The following GATD1 variants were observed in gnomAD, a reference collection of about 807,000 sequenced individuals.
GATD1 encodes glutamine amidotransferase class 1 domain containing 1, also known as glutamine amidotransferase-like class 1 domain-containing protein 1.
Under a neutral mutation model 25.9 loss-of-function variants are expected in GATD1, and 23 were observed. The ratio of observed to expected loss-of-function variants is 0.89; its 90% CI spans 0.64 to 1.26. GATD1 has a LOEUF of 1.26. Ranked by LOEUF, GATD1 falls within the 50% of genes most tolerant of loss-of-function variation. The pLI, the probability that GATD1 is intolerant of heterozygous loss-of-function variation, is 0.00. For missense variants in GATD1, 347 were observed against 312.5 expected, an observed-to-expected ratio of 1.11 and a Z score of -0.83; for synonymous variants, 177 against 134.6, an observed-to-expected ratio of 1.31 and a Z score of -2.18.
chr11:776,497 C>A, intron 1 of GATD1, among the ~76,000 whole-genome samples: 1 of 151,866 alleles, frequency 6.6e-6, no homozygotes, highest in African/African-American at 2.4e-5. Flanking sequence ...AAGCCCCAAC[C>A]CACCCCCCCA....
chr11:769,042 A>C lies in GATD1; in HGVS notation c.*1855T>G. 2.8e-6 allele frequency: 2 copies of C among 706,024 alleles called. No individual in the cohort carries two copies. The highest frequency in any genetic ancestry group is 3.5e-6 in the Non-Finnish European group (2 of 574,946). 43.7% of individuals were successfully genotyped at this position (706,024 alleles called of 1,614,324 possible). ...CTTGAACCCGGGAGACAGAGGTTGC[A>C]GTGAGCCAAGATTGTGCCACTGCAC... On this transcript the variant is annotated 3_prime_UTR_variant, in exon 8 of 8. Coordinates refer to ENST00000319863, the MANE Select transcript of GATD1 (RefSeq NM_182612.4).
Position 769,162 on chromosome 11 carries a change from A to G in GATD1, c.*1735T>C, listed in dbSNP as rs1565000861. On this transcript the variant is annotated 3_prime_UTR_variant, in exon 8 of 8. Coordinates refer to ENST00000319863, the MANE Select transcript of GATD1 (RefSeq NM_182612.4). ...AGGTCCATCACCACACGGGGATGAG[A>G]GTGGACCCGGGACAGAGCAAGGCCC... 1 of 985,390 alleles carries G rather than the reference A, an allele frequency of 1.0e-6. No homozygotes were observed. Among genetic ancestry groups the G allele is most frequent in the East Asian group, 1.1e-4 (1 of 8,800 alleles). 61.0% of individuals were successfully genotyped at this position (985,390 alleles called of 1,614,324 possible).
chr11:776,786 G>A (rs1293715237), intron 1 of GATD1: 1 of 152,762 alleles, frequency 6.5e-6, no homozygotes, highest in Non-Finnish European at 1.5e-5. Flanking sequence ...CTGCTGCCCT[G>A]AGACCCTGCA....
intron 3 of GATD1, 101 bp from the exon 4 acceptor site, chr11:773,730 C>CCAG: frequency 4.6e-6 from 4 of 865,732 alleles, no homozygotes; most frequent in Non-Finnish European, 7.2e-6. Flanking sequence ...TCCACAGGGA[C>CCAG]CAGCCAGCCT....
chr11:773,165 TCAAA>T (rs2133628856), intron 4 of GATD1, among the ~76,000 whole-genome samples: 1 of 152,296 alleles, frequency 6.6e-6, no homozygotes, highest in East Asian at 1.9e-4. Context: ...CCAGGTCTCC[TCAAA>T]CAGCCTTCCT....
chr11:771,070 G>T lies in GATD1; in HGVS notation c.579C>A (p.Asp193Glu). 1 of 1,610,346 alleles carries T rather than the reference G, an allele frequency of 6.2e-7. No individual in the cohort carries two copies. ...SEPDAVHVVL[D>E]RHLVTGQNAS... ...CATTCTGGCCTGTGACCAGGTGGCG[G>T]TCCAGCACGACGTGGACAGCGTCAG... The change falls in exon 7 of 8, where the codon GAC (aspartate) becomes GAA (glutamate). Residue 193 changes from aspartate to glutamate, a missense_variant. Transcript: ENST00000319863.
intron 1 of GATD1, chr11:776,707 G>C (rs2133658871): frequency 6.6e-6 from 1 of 152,530 alleles, no homozygotes; most frequent in East Asian, 1.9e-4. Flanking sequence ...ACCTTGGGCT[G>C]CTCACTTCCC....
intron 4 of GATD1, 51 bp from the exon 5 acceptor site, chr11:772,572 G>T: frequency 6.5e-7 from 1 of 1,538,174 alleles, no homozygotes; most frequent in Non-Finnish European, 8.9e-7. Flanking sequence ...CCCGCACCCT[G>T]AAGCCCCTCC....
chr11:769,349 T>C lies in GATD1; in HGVS notation c.*1548A>G. On this transcript the variant is annotated 3_prime_UTR_variant, in exon 8 of 8. Coordinates refer to ENST00000319863, the MANE Select transcript of GATD1 (RefSeq NM_182612.4). ...ATTATTTTTTATTTTTGAGACGGAGTTTCACTCATTGCCCAGGTTGGAGTG... is the reference window on the plus strand; with the variant it reads ...ATTATTTTTTATTTTTGAGACGGAGCTTCACTCATTGCCCAGGTTGGAGTG... 1.0e-6 allele frequency: 1 copy of C among 966,660 alleles called. No individual in the cohort carries two copies. Among genetic ancestry groups the C allele is most frequent in the East Asian group, 1.1e-4 (1 of 8,708 alleles). The allele number at this position is 966,660 out of a possible 1,614,324, so 59.9% of individuals were successfully genotyped here. A position where few individuals can be genotyped will look rare whatever the true frequency, so the allele number is the denominator to read the frequency against.
In GATD1 at chr11:774,033, G is replaced by C; in HGVS notation, c.222C>G (p.Ser74Arg). The C allele has an allele frequency of 6.2e-7, 1 of 1,613,602 alleles. No homozygotes were observed. Among genetic ancestry groups the C allele is most frequent in the Non-Finnish European group, 8.5e-7 (1 of 1,179,988 alleles). Residue 74 changes from serine to arginine, a missense_variant, in exon 3 of 8, where the codon AGC (serine) becomes AGG (arginine). By Grantham distance (110) the Ser-to-Arg change is moderately radical. Coordinates refer to ENST00000319863, the MANE Select transcript of GATD1 (RefSeq NM_182612.4). ...CATCGATGGACTCGAGCTTGGCGGG[G>C]CTGGCGTAAGCCTTGAGGCGGAAGT... ...VQDFRLKAYA[S>R]PAKLESIDGA... is the part of the protein sequence containing the mutation.
At chr11:776,429 G>T (rs757672348) in intron 1 of GATD1, among the ~76,000 whole-genome samples, 3 of 152,012 alleles carry the variant, frequency 2.0e-5, no homozygotes, top group Non-Finnish European at 4.4e-5. Context: ...GCCTGCTGGC[G>T]CTAAGACCCC....
At chr11:775,186 GCCCCGCCTCAGGGGGCTAC>G in intron 1 of GATD1, 44 bp from the exon 2 acceptor site, 2 of 1,530,794 alleles carry the variant, frequency 1.3e-6, no homozygotes, top group Non-Finnish European at 1.8e-6. Context: ...GGACTAGCGT[GCCCCGCCTCAGGGGGCTAC>G]CCAGACACCC....
chr11:770,877 G>A lies in GATD1; in HGVS notation c.*20C>T. On this transcript the variant is annotated 3_prime_UTR_variant, in exon 8 of 8. Coordinates refer to ENST00000319863, the MANE Select transcript of GATD1 (RefSeq NM_182612.4). ...TGGAGACACCTGGGCTGTCTCAGGGGGTGCATCTACCCAGCAGGTTCATTT... is the reference window on the plus strand; with the variant it reads ...TGGAGACACCTGGGCTGTCTCAGGGAGTGCATCTACCCAGCAGGTTCATTT... 2 of 1,598,568 alleles carry A rather than the reference G, an allele frequency of 1.3e-6. No individual in the cohort carries two copies. Among genetic ancestry groups the A allele is most frequent in the South Asian group, 2.3e-5 (2 of 88,614 alleles).
rs1208451118 is a variant in GATD1, at chr11:767,281, G to A, written c.*3616C>T. The A allele has an allele frequency of 2.0e-6, 3 of 1,536,168 alleles. No homozygotes were observed. Among genetic ancestry groups the A allele is most frequent in the East Asian group, 4.9e-5 (2 of 40,926 alleles). On this transcript the variant is annotated 3_prime_UTR_variant, in exon 8 of 8. Transcript: ENST00000319863. ...GTAGATGAACACACACTGGTATATG[G>A]GGAAATCCTCACCCGCCCTCCGCTG...
rs758515135 is a variant in GATD1 at position 777,467 on chromosome 11, C to T, written c.-5G>A. On this transcript the variant is annotated 5_prime_UTR_variant, in exon 1 of 8. Coordinates refer to ENST00000319863, the MANE Select transcript of GATD1 (RefSeq NM_182612.4). The stretch of plus-strand genomic sequence containing the variant: ...AGGGAGCCGCTCGGACGCCATGGCT[C>T]GGGCTCGGCGCTGGGTCTGCGCGTG... 9.7e-6 allele frequency: 12 copies of T among 1,233,956 alleles called. No individual in the cohort carries two copies. In the Admixed American group the frequency reaches 2.2e-4, roughly 23 times the overall value. 76.4% of individuals were successfully genotyped at this position (1,233,956 alleles called of 1,614,324 possible).
chr11:774,636 T>A (rs1863783076), intron 2 of GATD1, among the ~76,000 whole-genome samples: 1 of 152,158 alleles, frequency 6.6e-6, no homozygotes. Context: ...TTCGAGACCA[T>A]CCTGGCCAAC....
chr11:771,809 A>T (rs972224479), intron 5 of GATD1, among the ~76,000 whole-genome samples: 15 of 152,192 alleles, frequency 9.9e-5, no homozygotes, highest in South Asian at 6.2e-4. Flanking sequence ...GTAACCTGAG[A>T]CTGGGTTGGT....
chr11:773,506 C>A lies in GATD1; in HGVS notation c.355+16G>T. ...TGCACATCCAACCCCTCCCCTGGGT[C>A]CCAGGGGTCACCTACTGCTCTCAGA... On this transcript the variant is annotated intron_variant, in intron 4 of 7. Transcript: ENST00000319863. 1 of 1,602,536 alleles carries A rather than the reference C, an allele frequency of 6.2e-7. No individual in the cohort carries two copies. Among genetic ancestry groups the A allele is most frequent in the South Asian group, 1.1e-5 (1 of 90,258 alleles).
chr11:772,522 C>T lies in GATD1; in HGVS notation c.356-1G>A. 1 of 1,610,102 alleles carries T rather than the reference C, an allele frequency of 6.2e-7. No individual in the cohort carries two copies. Among genetic ancestry groups the T allele is most frequent in the Non-Finnish European group, 8.5e-7 (1 of 1,179,838 alleles). ...CCGTGGCCGACGGCGCAGATGGGTT[C>T]TGAAAGCCGTACATGGCGTTGAGGC... On this transcript the variant is annotated splice_acceptor_variant, in intron 4 of 7. Coordinates refer to ENST00000319863, the MANE Select transcript of GATD1 (RefSeq NM_182612.4). LOFTEE classifies it high-confidence loss of function.
Sources: allele counts gnomAD v4.1 joint callset (sites outside exome capture counted in the v4.1 genomes callset), GRCh38; gene constraint gnomAD v4.1.1; transcripts MANE v1.5; gene names NCBI Gene and HGNC (gene_info 2026-07-23, HGNC 2026-07-21).